The following ATP13A3 variants were observed in gnomAD, a reference collection of about 807,000 sequenced individuals.
The protein encoded by ATP13A3 is polyamine-transporting ATPase 13A3.
ATP13A3 carries 59 observed loss-of-function variants against 158.1 expected under a neutral mutation model. That is an observed-to-expected ratio of 0.37 (90% confidence interval 0.30 to 0.46). ATP13A3 has a LOEUF of 0.46. Ranked by LOEUF, ATP13A3 falls within the 20% of genes least tolerant of loss-of-function variation. The pLI, the probability that ATP13A3 is intolerant of heterozygous loss-of-function variation, is 1.00. For missense variants in ATP13A3, 1,166 were observed against 1,525.2 expected (o/e 0.76, Z 3.92); for synonymous variants, 491 against 504.3 (o/e 0.97, Z 0.35).
At chr3:194,421,159 A>T (rs866131909) in intron 30 of ATP13A3, among the ~76,000 whole-genome samples, 1 of 49,372 alleles carries the variant, frequency 2.0e-5, no homozygotes, top group Non-Finnish European at 2.9e-5. Context: ...ATATATATAT[A>T]TATATATATA....
intron 29 of ATP13A3, among the ~76,000 whole-genome samples, chr3:194,425,908 C>T (rs1475637704): frequency 1.3e-5 from 2 of 152,196 alleles, no homozygotes; most frequent in African/African-American, 2.4e-5. Context: ...CCTACCTCCT[C>T]GCTGGTTAAA....
intron 33 of ATP13A3, among the ~76,000 whole-genome samples, chr3:194,408,008 C>T (rs1465973061): frequency 6.7e-6 from 1 of 150,220 alleles, no homozygotes. Flanking sequence ...TAAATCAATT[C>T]GAAAGCTGTC....
intron 8 of ATP13A3, among the ~76,000 whole-genome samples, chr3:194,455,206 T>C (rs898419445): frequency 1.3e-5 from 2 of 152,160 alleles, no homozygotes; most frequent in Admixed American, 6.5e-5. Flanking sequence ...AGATAATAAC[T>C]AAGTATTAAA....
intron 21 of ATP13A3, among the ~76,000 whole-genome samples, chr3:194,432,605 G>A (rs924232509): frequency 6.6e-6 from 1 of 152,160 alleles, no homozygotes; most frequent in Non-Finnish European, 1.5e-5. Flanking sequence ...AGGAGGACGA[G>A]GAACAGGTGA....
At chr3:194,467,362 G>A (rs1012426877) in intron 2 of ATP13A3, among the ~76,000 whole-genome samples, 1 of 152,002 alleles carries the variant, frequency 6.6e-6, no homozygotes, top group African/African-American at 2.4e-5. Context: ...CTTATTATAG[G>A]CAGTTCACTG....
chr3:194,440,016 C>T (rs1034398874), intron 16 of ATP13A3, among the ~76,000 whole-genome samples: 4 of 152,086 alleles, frequency 2.6e-5, no homozygotes, highest in Non-Finnish European at 5.9e-5. Context: ...GCAGATGGAG[C>T]ACTTATCCAG....
chr3:194,433,012 T>C (rs1228237517), intron 21 of ATP13A3, among the ~76,000 whole-genome samples: 3 of 152,230 alleles, frequency 2.0e-5, no homozygotes, highest in African/African-American at 7.2e-5. Context: ...TGCTATCGAA[T>C]ATCTATTAAT....
In ATP13A3 at chr3:194,433,723, C is replaced by CA. The variant is rs1449556503; in HGVS notation, c.2245+48dup. ...ATTATCCCTCAATATAATATAACTT[C>CA]AGCTCTGTCACACTCCATTTGCTTC... On this transcript the variant is annotated intron_variant, in intron 21 of 33. Transcript: ENST00000645319. 3.1e-6 allele frequency: 5 copies of CA among 1,603,688 alleles called. No homozygotes were observed. In the South Asian group the frequency reaches 4.4e-5, roughly 14 times the overall value.
At position 194,407,722 on chromosome 3, in the gene ATP13A3, T is replaced by C. The variant is rs928413220; in HGVS notation, c.3574-1606A>G. Among the ~76,000 whole-genome samples, 4 of 152,056 alleles carry C rather than the reference T, an allele frequency of 2.6e-5. No homozygotes were observed. The East Asian group carries it at 7.7e-4, about 29-fold the overall frequency. On this transcript the variant is annotated intron_variant, in intron 33 of 33. Transcript: ENST00000645319. The stretch of plus-strand genomic sequence containing the variant: ...GGTGGGGACGGGGAAAGTCTGAAGA[T>C]TACTCGCCTAGTAGCCTTTTTACTG...
In ATP13A3 at chr3:194,459,501, T is replaced by C. The variant is rs751273117; in HGVS notation, c.449A>G (p.Asn150Ser). The C allele has an allele frequency of 2.5e-6, 4 of 1,602,606 alleles. No individual in the cohort carries two copies. In the African/African-American group the frequency reaches 5.4e-5, roughly 21 times the overall value. ...FTHHSVKYFW[N>S]DTIHNFDFLK... ...GAAATCAAAATTGTGAATGGTATCA[T>C]TCCAGAAATATTTTACACTATGGTG... Residue 150 changes from asparagine (N) to serine (S), a missense_variant, in exon 6 of 34, where the codon AAT (asparagine) becomes AGT (serine). This residue lies in a region of ATP13A3 where 104 missense variants were observed against 91.7 expected (regional missense o/e 1.13). Transcript: ENST00000645319.
chr3:194,470,447 T>C (rs1720251240), intron 2 of ATP13A3, among the ~76,000 whole-genome samples: 1 of 152,196 alleles, frequency 6.6e-6, no homozygotes, highest in African/African-American at 2.4e-5. Flanking sequence ...TCATATACTC[T>C]ATTTAAAAAA....
At chr3:194,433,291 C>T (rs1317818328) in intron 21 of ATP13A3, among the ~76,000 whole-genome samples, 9 of 138,962 alleles carry the variant, frequency 6.5e-5, no homozygotes, top group Non-Finnish European at 1.4e-4. Context: ...GGCCGGACTG[C>T]GGACTGCAGT....
intron 33 of ATP13A3, among the ~76,000 whole-genome samples, chr3:194,408,000 A>C (rs1234853191): frequency 1.3e-5 from 2 of 151,764 alleles, no homozygotes; most frequent in African/African-American, 4.8e-5. Context: ...ACTGTTCCTA[A>C]ATCAATTCGA....
intron 6 of ATP13A3, among the ~76,000 whole-genome samples, 167 bp from the exon 7 acceptor site, chr3:194,457,341 T>C (rs1438685859): frequency 6.6e-6 from 1 of 152,206 alleles, no homozygotes; most frequent in Non-Finnish European, 1.5e-5. Context: ...AAATCTCAAA[T>C]TCTTAAGATA....
chr3:194,437,684 G>A, intron 17 of ATP13A3, 111 bp from the exon 18 acceptor site: 1 of 1,143,476 alleles, frequency 8.7e-7, no homozygotes. Flanking sequence ...AAAGAAACAA[G>A]CAACTGTTTT....
At chr3:194,457,577 G>T (rs1719319098) in intron 6 of ATP13A3, among the ~76,000 whole-genome samples, 1 of 152,016 alleles carries the variant, frequency 6.6e-6, no homozygotes, top group African/African-American at 2.4e-5. Context: ...TAGCTACATA[G>T]TTTCTCCTTT....
At chr3:194,424,215 T>C (rs1716595741) in intron 30 of ATP13A3, among the ~76,000 whole-genome samples, 1 of 151,650 alleles carries the variant, frequency 6.6e-6, no homozygotes, top group African/African-American at 2.4e-5. Context: ...TAATAAATAA[T>C]ATAGTTATTT....
At chr3:194,409,728 GAGTA>G (rs1339007938) in intron 33 of ATP13A3, among the ~76,000 whole-genome samples, 7 of 88,302 alleles carry the variant, frequency 7.9e-5, no homozygotes, top group African/African-American at 4.5e-4. Context: ...TTTGGTCAGA[GAGTA>G]AGTATTAACA....
upstream of ATP13A3, among the ~76,000 whole-genome samples, chr3:194,489,248 C>T (rs1806610): frequency 0.016 from 2,434 of 151,982 alleles, 31 homozygotes; most frequent in East Asian, 0.047. The surrounding 1 kb of genome is among the most constrained non-coding windows in gnomAD (Gnocchi z 4.1). Flanking sequence ...AGTTCAAGAC[C>T]AGCCTGACAA....
Sources: gnomAD v4.1 joint callset for allele counts (sites outside exome capture counted in the v4.1 genomes callset) on GRCh38, gnomAD v4.1.1 for gene constraint, gnomAD v4.1.1 regional missense constraint, Gnocchi (gnomAD v3.1) non-coding constraint, MANE v1.5 for transcripts, NCBI Gene and HGNC (gene_info 2026-07-23, HGNC 2026-07-21) for gene names.